ATIC: variants seen among roughly 807,000 people sequenced by gnomAD.
ATIC encodes 5-aminoimidazole-4-carboxamide ribonucleotide formyltransferase/IMP cyclohydrolase.
In ATIC, 64 loss-of-function variants were observed where a neutral mutation model predicts 72.5. The ratio of observed to expected loss-of-function variants is 0.88; its 90% CI spans 0.72 to 1.09. The LOEUF (loss-of-function observed/expected upper bound fraction) is 1.09. Among genes scored for constraint, ATIC ranks in the 50% least tolerant of loss-of-function variants. The pLI is 0.00. For missense variants in ATIC, 787 were observed against 732.4 expected, an observed-to-expected ratio of 1.07 and a Z score of -0.86; for synonymous variants, 281 against 267.1, an observed-to-expected ratio of 1.05 and a Z score of -0.51.
At chr2:215,325,000 G>A (rs1575116295) in intron 4 of ATIC, among the ~76,000 whole-genome samples, 1 of 152,144 alleles carries the variant, frequency 6.6e-6, no homozygotes, top group East Asian at 1.9e-4. Flanking sequence ...CGTGGAGGGA[G>A]TACTGTGTAT....
Position 215,332,474 on chromosome 2 carries a change from G to T in ATIC, c.781G>T (p.Ala261Ser). The change falls in exon 8 of 16, where the codon GCC becomes TCC. Residue 261 changes from alanine to serine, a missense_variant. Coordinates refer to ENST00000236959, the MANE Select transcript of ATIC (RefSeq NM_004044.7). ...ACTCAAGGAGGCTTTAGGTATTCCA[G>T]CCGCTGCCTCTTTCAAACATGTCAG... ...KELKEALGIP[A>S]AASFKHVSPA... The T allele has an allele frequency of 6.2e-7, 1 of 1,614,114 alleles. No individual in the cohort carries two copies. The highest frequency in any genetic ancestry group is 1.3e-5 in the African/African-American group (1 of 75,022).
chr2:215,323,193 C>A (rs1016098182), intron 4 of ATIC, among the ~76,000 whole-genome samples: 2 of 152,210 alleles, frequency 1.3e-5, no homozygotes, highest in African/African-American at 4.8e-5. Flanking sequence ...GATCCGCCCG[C>A]CTCGGCCTCC....
At chr2:215,348,192 A>AT (rs2053091907) in intron 14 of ATIC, among the ~76,000 whole-genome samples, 1 of 152,218 alleles carries the variant, frequency 6.6e-6, no homozygotes, top group Non-Finnish European at 1.5e-5. Context: ...TTTGGAGTGG[A>AT]TACACACACT....
In ATIC at chr2:215,342,423, T is replaced by TA. The variant is rs1209344652; in HGVS notation, c.1228-2355dup. 2.0e-5 allele frequency among the ~76,000 whole-genome samples: 3 copies of TA among 152,214 alleles called. No individual in the cohort carries two copies. In the East Asian group the frequency reaches 5.8e-4, roughly 29 times the overall value. ...GTTGTAAGAGTTCCCATGTAACCGT[T>TA]ACCCTATTTCTCCTAATGCTAGCAT... On this transcript the variant is annotated intron_variant, in intron 12 of 15. Transcript: ENST00000236959.
rs1360565690 is a variant in ATIC, at chr2:215,349,157, GAGA to G, written c.1573_1575del (p.Lys525del). Reference sequence around the variant, plus strand: ...AGTCCCTGAGTTACTCACTGAGGCAGAGAAGAAGGAATGGGTTGAGAAACTGAC... The same window carrying G: ...AGTCCCTGAGTTACTCACTGAGGCAGAGAAGGAATGGGTTGAGAAACTGAC... On this transcript the variant is annotated inframe_deletion, in exon 15 of 16. Coordinates refer to ENST00000236959, the MANE Select transcript of ATIC (RefSeq NM_004044.7). 6.2e-7 allele frequency: 1 copy of G among 1,614,094 alleles called. No individual in the cohort carries two copies.
intron 5 of ATIC, 50 bp from the exon 6 acceptor site, chr2:215,325,937 A>G (rs1244472430): frequency 1.9e-6 from 3 of 1,601,900 alleles, no homozygotes; most frequent in East Asian, 4.5e-5. Flanking sequence ...AAAGCGGTTC[A>G]TAAGCTGATA....
chr2:215,359,124 C>T, the ATIC span, among the ~76,000 whole-genome samples: 1,153 of 152,226 alleles, frequency 7.6e-3, 10 homozygotes, highest in Non-Finnish European at 9.5e-3. Context: ...GCTCAAGCAA[C>T]CCTCCCACCT....
intron 13 of ATIC, chr2:215,345,669 A>G (rs1280342249): frequency 2.0e-5 from 3 of 152,376 alleles, no homozygotes; most frequent in African/African-American, 7.2e-5. Context: ...TATGGCCTGG[A>G]AGACCCCAGA....
At chr2:215,358,444 T>C in the ATIC span, among the ~76,000 whole-genome samples, 1 of 152,154 alleles carries the variant, frequency 6.6e-6, no homozygotes, top group East Asian at 1.9e-4. Context: ...CAAAAGATCT[T>C]TGGAAATAGT....
At chr2:215,334,505 A>G (rs996380517) in intron 9 of ATIC, among the ~76,000 whole-genome samples, 12 of 152,044 alleles carry the variant, frequency 7.9e-5, no homozygotes, top group Non-Finnish European at 1.6e-4. Flanking sequence ...ACTTTACTAC[A>G]TTTGGTTAGA....
chr2:215,354,066 T>C (rs1224735915), downstream of ATIC, among the ~76,000 whole-genome samples: 5 of 150,612 alleles, frequency 3.3e-5, no homozygotes, highest in African/African-American at 1.2e-4. Flanking sequence ...CTGTTGCCGA[T>C]GCCCAGGCTG....
chr2:215,345,277 T>C (rs1003097709), intron 13 of ATIC: 8 of 288,668 alleles, frequency 2.8e-5, no homozygotes, highest in Non-Finnish European at 4.7e-5. Flanking sequence ...TTATTTCTTA[T>C]GTTGTCTTAT....
chr2:215,365,580 G>T, the ATIC span: 2 of 1,613,818 alleles, frequency 1.2e-6, no homozygotes, highest in Admixed American at 1.7e-5. Context: ...TCTCCCTGAC[G>T]GTCCCACTTC....
At chr2:215,312,470 T>G in intron 1 of ATIC, 28 bp from the exon 2 acceptor site, 1 of 1,614,192 alleles carries the variant, frequency 6.2e-7, no homozygotes, top group Non-Finnish European at 8.5e-7. Context: ...GTGCTGCGAA[T>G]CATGAGAAAA....
chr2:215,349,049 A>G (rs1575127387), intron 14 of ATIC, 45 bp from the exon 15 acceptor site: 2 of 1,608,422 alleles, frequency 1.2e-6, no homozygotes. Context: ...ATAGAACTAA[A>G]GACGATGTCA....
At chr2:215,340,360 A>G (rs1037844908) in intron 12 of ATIC, among the ~76,000 whole-genome samples, 7 of 152,184 alleles carry the variant, frequency 4.6e-5, no homozygotes, top group African/African-American at 1.4e-4. Context: ...ACAAGCTGAC[A>G]TTTATTTTTT....
chr2:215,361,328 C>G, the ATIC span: 2 of 560,076 alleles, frequency 3.6e-6, no homozygotes, highest in South Asian at 2.0e-5. Flanking sequence ...TTGAATACTT[C>G]GAAGCAGAAC....
chr2:215,318,358 G>A, intron 3 of ATIC, 125 bp downstream of exon 3: 2 of 919,916 alleles, frequency 2.2e-6, no homozygotes, highest in Admixed American at 1.9e-5. Context: ...TTAATGTTAT[G>A]AAGTTGCTGC....
rs545180343 is a variant in ATIC at position 215,330,650 on chromosome 2, G to A, written c.689-1732G>A. ...CCCTAAAACTCCCTTGTGCTCCTCC[G>A]CCTCATCCCTCCTTTCCCTTCTCCC... On this transcript the variant is annotated intron_variant, in intron 7 of 15. Transcript: ENST00000236959. Among the ~76,000 whole-genome samples the A allele has an allele frequency of 2.0e-5, 3 of 151,544 alleles. No individual in the cohort carries two copies. In the South Asian group the frequency reaches 6.3e-4, roughly 32 times the overall value.
Sources: allele counts gnomAD v4.1 joint callset (sites outside exome capture counted in the v4.1 genomes callset), GRCh38; gene constraint gnomAD v4.1.1; transcripts MANE v1.5; gene names NCBI Gene and HGNC (gene_info 2026-07-23, HGNC 2026-07-21).